Variants in RABGAP1 observed in about 807,000 individuals in gnomAD.
RABGAP1 encodes the protein RAB GTPase activating protein 1.
Under a neutral mutation model 137.6 loss-of-function variants are expected in RABGAP1, and 23 were observed. That is an observed-to-expected ratio of 0.17 (90% CI 0.12 to 0.24). RABGAP1 has a LOEUF of 0.24. Ranked by LOEUF, RABGAP1 falls within the 10% of genes least tolerant of loss-of-function variation. RABGAP1 has a pLI of 1.00. For synonymous variants in RABGAP1, 451 were observed against 450.7 expected, an observed-to-expected ratio of 1.00 and a Z score of -0.01; for missense variants, 906 against 1,275.8, an observed-to-expected ratio of 0.71 and a Z score of 4.42.
chr9:123,022,005 A>C (rs2031670714), intron 13 of RABGAP1, among the ~76,000 whole-genome samples: 1 of 152,274 alleles, frequency 6.6e-6, no homozygotes, highest in Non-Finnish European at 1.5e-5. Flanking sequence ...CATTGTACTC[A>C]TAGTATGAAC....
intron 13 of RABGAP1, among the ~76,000 whole-genome samples, chr9:123,052,120 T>A (rs569176694): frequency 6.6e-6 from 1 of 152,248 alleles, no homozygotes; most frequent in South Asian, 2.1e-4. Flanking sequence ...AAAAGCATTT[T>A]AAAAAATATA....
intron 13 of RABGAP1, among the ~76,000 whole-genome samples, chr9:123,053,977 A>G (rs2033594640): frequency 6.6e-6 from 1 of 152,248 alleles, no homozygotes; most frequent in Non-Finnish European, 1.5e-5. Flanking sequence ...TTCTCACAGT[A>G]AGGTATAAAA....
At chr9:122,991,483 T>C (rs1350498551) in intron 6 of RABGAP1, among the ~76,000 whole-genome samples, 1 of 152,232 alleles carries the variant, frequency 6.6e-6, no homozygotes, top group Non-Finnish European at 1.5e-5. Context: ...CTTCAGACTT[T>C]GGAATTGTCA....
chr9:123,058,349 T>G (rs2033830743), intron 13 of RABGAP1, among the ~76,000 whole-genome samples: 1 of 152,190 alleles, frequency 6.6e-6, no homozygotes, highest in East Asian at 1.9e-4. Context: ...TTCTAAAATC[T>G]ACACTCATTT....
chr9:123,034,637 CTG>C, intron 13 of RABGAP1: 1 of 1,613,672 alleles, frequency 6.2e-7, no homozygotes, highest in Non-Finnish European at 8.5e-7. Context: ...TATTTGGAAA[CTG>C]TCAATTTTTG....
Position 122,957,105 on chromosome 9 carries a change from T to G in RABGAP1, c.46T>G (p.Ser16Ala). ...SVGKISVSSD[S>A]VSTLNSEDFV... Reference sequence around the variant, plus strand: ...TGGAAAAATCAGTGTCTCTTCAGACTCAGTATCTACTCTTAATAGTGAAGA... The same window carrying G: ...TGGAAAAATCAGTGTCTCTTCAGACGCAGTATCTACTCTTAATAGTGAAGA... The change falls in exon 2 of 26, where the codon TCA (serine) becomes GCA (alanine). Residue 16 changes from serine to alanine, a missense_variant. Physicochemically the swap from Ser to Ala is moderately conservative, Grantham distance 99 (BLOSUM62 1). This residue lies in a region of RABGAP1 where 331 missense variants were observed against 358.3 expected (regional missense o/e 0.92). Transcript: ENST00000373647. 1 of 1,551,992 alleles carries G rather than the reference T, an allele frequency of 6.4e-7. No individual in the cohort carries two copies.
chr9:123,014,481 G>A (rs527399217), intron 11 of RABGAP1, among the ~76,000 whole-genome samples: 63 of 152,132 alleles, frequency 4.1e-4, no homozygotes, highest in African/African-American at 1.5e-3. Flanking sequence ...GTTTGGTATA[G>A]TTTATACCTA....
intron 13 of RABGAP1, among the ~76,000 whole-genome samples, chr9:123,034,017 A>G (rs1737534675): frequency 6.6e-6 from 1 of 152,152 alleles, no homozygotes; most frequent in African/African-American, 2.4e-5. Context: ...TATACAGTAC[A>G]GATCAGTTGT....
chr9:122,989,827 A>C (rs1230881898), intron 5 of RABGAP1: 1 of 513,918 alleles, frequency 1.9e-6, no homozygotes, highest in Non-Finnish European at 3.4e-6. Context: ...TTAGGAAGTG[A>C]TTTTTAAATT....
intron 2 of RABGAP1, among the ~76,000 whole-genome samples, chr9:122,975,735 T>C (rs572091618): frequency 6.6e-6 from 1 of 152,288 alleles, no homozygotes; most frequent in East Asian, 1.9e-4. Context: ...GAGAGTTAAA[T>C]GAGATAGTTC....
chr9:123,036,171 A>C (rs2032648948), intron 13 of RABGAP1, among the ~76,000 whole-genome samples: 1 of 152,218 alleles, frequency 6.6e-6, no homozygotes, highest in Non-Finnish European at 1.5e-5. Context: ...TCTGTGTTTT[A>C]TTCTCTTGAG....
chr9:122,972,223 G>A (rs181094442), intron 2 of RABGAP1, among the ~76,000 whole-genome samples: 3 of 152,208 alleles, frequency 2.0e-5, no homozygotes, highest in African/African-American at 7.2e-5. Flanking sequence ...GAGCCCAGGA[G>A]TTCAAGACCA....
At chr9:123,076,211 A>C in intron 17 of RABGAP1, 34 bp from the exon 18 acceptor site, 2 of 1,598,972 alleles carry the variant, frequency 1.3e-6, no homozygotes, top group Non-Finnish European at 1.7e-6. Context: ...AGATATAAAA[A>C]CTGACAGTGT....
Position 123,035,177 on chromosome 9 carries a change from C to T in RABGAP1, c.1794+14718C>T. The T allele has an allele frequency of 1.9e-6, 3 of 1,613,800 alleles. No homozygotes were observed. The South Asian group carries it at 3.3e-5, about 18-fold the overall frequency. On this transcript the variant is annotated intron_variant, in intron 13 of 25. Coordinates refer to ENST00000373647, the MANE Select transcript of RABGAP1 (RefSeq NM_012197.4). Reference sequence around the variant, plus strand: ...GTGATGATGTTATATGCCCCAGCAGCCCTTATTGTCTGCTTCACCTATTTC... The same window carrying T: ...GTGATGATGTTATATGCCCCAGCAGTCCTTATTGTCTGCTTCACCTATTTC...
upstream of RABGAP1, chr9:122,939,107 A>G (rs891485272): frequency 6.6e-6 from 1 of 152,224 alleles, no homozygotes; most frequent in Non-Finnish European, 1.5e-5. Flanking sequence ...ATTTTCCTGT[A>G]ACATTACTGA....
rs761585128 is a variant in RABGAP1 at position 122,989,407 on chromosome 9, C to G, written c.701C>G (p.Thr234Ser). Residue 234 changes from threonine to serine, a missense_variant, in exon 5 of 26, where the codon ACT (threonine) becomes AGT (serine). Coordinates refer to ENST00000373647, the MANE Select transcript of RABGAP1 (RefSeq NM_012197.4). ...GTPESDCFAF[T>S]ESHYNAELFR... is the part of the protein sequence containing the mutation. Reference sequence around the variant, plus strand: ...CCTGAGAGTGACTGTTTTGCTTTCACTGAAAGTCATTACAATGCAGAGCTC... The same window carrying G: ...CCTGAGAGTGACTGTTTTGCTTTCAGTGAAAGTCATTACAATGCAGAGCTC... The G allele has an allele frequency of 5.6e-6, 9 of 1,613,950 alleles. No individual in the cohort carries two copies. Among genetic ancestry groups the G allele is most frequent in the Non-Finnish European group, 7.6e-6 (9 of 1,179,988 alleles).
chr9:122,984,442 A>G, intron 2 of RABGAP1, 43 bp from the exon 3 acceptor site: 1 of 1,543,082 alleles, frequency 6.5e-7, no homozygotes, highest in South Asian at 1.2e-5. Flanking sequence ...AATACTGGCC[A>G]ATCTTTGTCA....
intron 13 of RABGAP1, among the ~76,000 whole-genome samples, chr9:123,053,134 CATA>C (rs1272221491): frequency 6.6e-6 from 1 of 152,182 alleles, no homozygotes; most frequent in African/African-American, 2.4e-5. Flanking sequence ...TAAGAGAAAA[CATA>C]ATGTTACTGG....
At chr9:123,024,468 CTCTG>C (rs1342573052) in intron 13 of RABGAP1, among the ~76,000 whole-genome samples, 2 of 148,474 alleles carry the variant, frequency 1.3e-5, no homozygotes, top group Non-Finnish European at 3.0e-5. Flanking sequence ...CAGAGTCTTG[CTCTG>C]TCTGTCGCCC....
Sources: allele counts gnomAD v4.1 joint callset (sites outside exome capture counted in the v4.1 genomes callset), GRCh38; gene constraint gnomAD v4.1.1; regional missense constraint gnomAD v4.1.1; transcripts MANE v1.5; gene names NCBI Gene and HGNC (gene_info 2026-07-23, HGNC 2026-07-21).